COL21A1: variants seen among roughly 807,000 people sequenced by gnomAD.
COL21A1 encodes the protein collagen type XXI alpha 1 chain, also known as collagen alpha-1(XXI) chain.
In COL21A1, 149 loss-of-function variants were observed where a neutral mutation model predicts 137.9. The observed-to-expected ratio is 1.08, with a 90% CI of 0.95 to 1.24. The LOEUF is 1.24. Among genes scored for constraint, COL21A1 ranks in the 50% most tolerant of loss-of-function variants. COL21A1 has a pLI of 0.00. For missense variants in COL21A1, 1,167 were observed against 1,158.4 expected, an observed-to-expected ratio of 1.01 and a Z score of -0.11; for synonymous variants, 456 against 391.5, an observed-to-expected ratio of 1.16 and a Z score of -1.95.
At chr6:56,286,820 C>T (rs1331357125) in intron 1 of COL21A1, among the ~76,000 whole-genome samples, 1 of 152,068 alleles carries the variant, frequency 6.6e-6, no homozygotes, top group Non-Finnish European at 1.5e-5. Flanking sequence ...TGAGAAGGGG[C>T]CATCATCTCC....
intron 20 of COL21A1, among the ~76,000 whole-genome samples, chr6:56,071,917 AG>A (rs1212500890): frequency 6.6e-6 from 1 of 151,514 alleles, no homozygotes; most frequent in African/African-American, 2.4e-5. Flanking sequence ...CCCATCACCT[AG>A]GTATTAAGCC....
chr6:56,082,804 A>G (rs1354670200), intron 17 of COL21A1, among the ~76,000 whole-genome samples: 1 of 151,928 alleles, frequency 6.6e-6, no homozygotes, highest in East Asian at 1.9e-4. Context: ...TTTATACGAT[A>G]AAAATAACTA....
chr6:56,228,814 C>T (rs1349176924), intron 1 of COL21A1, among the ~76,000 whole-genome samples: 1 of 151,616 alleles, frequency 6.6e-6, no homozygotes, highest in Non-Finnish European at 1.5e-5. Flanking sequence ...AAACAAATGA[C>T]TAAAGTACAA....
chr6:56,111,201 ACAAACT>A (rs1771406317), intron 16 of COL21A1, among the ~76,000 whole-genome samples: 1 of 152,270 alleles, frequency 6.6e-6, no homozygotes, highest in Non-Finnish European at 1.5e-5. Flanking sequence ...AAAGCATGAA[ACAAACT>A]CAAACTGAGT....
intron 16 of COL21A1, among the ~76,000 whole-genome samples, chr6:56,113,393 G>A (rs1771622050): frequency 6.6e-6 from 1 of 152,192 alleles, no homozygotes; most frequent in Admixed American, 6.5e-5. Flanking sequence ...ACTGGCCAGA[G>A]TCAAGAGGCC....
intron 18 of COL21A1, among the ~76,000 whole-genome samples, chr6:56,076,360 T>C (rs1179383135): frequency 6.6e-6 from 1 of 151,082 alleles, no homozygotes; most frequent in Admixed American, 6.6e-5. Context: ...ATAAACAATA[T>C]AGAAACAAGA....
chr6:56,215,866 A>G (rs983562916), intron 1 of COL21A1, among the ~76,000 whole-genome samples: 2 of 152,132 alleles, frequency 1.3e-5, no homozygotes, highest in Non-Finnish European at 2.9e-5. Flanking sequence ...ATTATCTGCT[A>G]ATTGCAAGCA....
At chr6:56,262,583 T>C (rs1763304561) in intron 1 of COL21A1, among the ~76,000 whole-genome samples, 1 of 152,160 alleles carries the variant, frequency 6.6e-6, no homozygotes, top group Admixed American at 6.5e-5. Context: ...TTTTCCTCTG[T>C]AGATCTAAAA....
At chr6:56,306,308 T>A (rs1048938406) in intron 1 of COL21A1, among the ~76,000 whole-genome samples, 1 of 150,442 alleles carries the variant, frequency 6.6e-6, no homozygotes, top group Non-Finnish European at 1.5e-5. Context: ...TTCTCCTGGA[T>A]AATATCCTGC....
intron 16 of COL21A1, among the ~76,000 whole-genome samples, chr6:56,120,462 G>A (rs953249853): frequency 2.6e-5 from 4 of 152,176 alleles, no homozygotes; most frequent in African/African-American, 7.2e-5. Flanking sequence ...ATGTAAATTA[G>A]TACAACCACT....
chr6:56,172,003 G>T (rs756265214), intron 3 of COL21A1, among the ~76,000 whole-genome samples: 1 of 150,032 alleles, frequency 6.7e-6, no homozygotes, highest in Non-Finnish European at 1.5e-5. Context: ...GAGAAAGAGT[G>T]AAGAAAGCCT....
At chr6:56,190,949 C>A (rs1001958779) in intron 1 of COL21A1, among the ~76,000 whole-genome samples, 1 of 152,120 alleles carries the variant, frequency 6.6e-6, no homozygotes, top group Admixed American at 6.5e-5. Context: ...ATCAATGGAA[C>A]GTATCTTAAA....
At chr6:56,299,342 T>C (rs10948988) in intron 1 of COL21A1, among the ~76,000 whole-genome samples, 23,716 of 152,160 alleles carry the variant, frequency 0.16, 3,367 homozygotes, top group East Asian at 0.59. Flanking sequence ...ATTTTACTTG[T>C]TCCCTCAAAT....
chr6:56,224,352 C>A (rs1781060278), intron 1 of COL21A1, among the ~76,000 whole-genome samples: 2 of 152,062 alleles, frequency 1.3e-5, no homozygotes, highest in South Asian at 2.1e-4. Flanking sequence ...AGTAGACAGA[C>A]AATAATTACT....
chr6:56,351,158 G>A (rs1011896016), intron 1 of COL21A1, among the ~76,000 whole-genome samples: 1 of 152,224 alleles, frequency 6.6e-6, no homozygotes, highest in African/African-American at 2.4e-5. Flanking sequence ...CCACTTTGAT[G>A]CAAAGAACCC....
chr6:56,312,465 A>G (rs1277873161), intron 1 of COL21A1, among the ~76,000 whole-genome samples: 1 of 152,196 alleles, frequency 6.6e-6, no homozygotes, highest in Non-Finnish European at 1.5e-5. Flanking sequence ...GAGTCAGGGA[A>G]TGATGAGGTT....
intron 1 of COL21A1, among the ~76,000 whole-genome samples, chr6:56,244,364 C>T (rs956381866): frequency 2.0e-5 from 3 of 152,158 alleles, no homozygotes; most frequent in African/African-American, 7.2e-5. Flanking sequence ...TTATCCAGAA[C>T]ACAGCATTTG....
At chr6:56,147,592 G>A (rs1774934551) in intron 10 of COL21A1, among the ~76,000 whole-genome samples, 1 of 151,872 alleles carries the variant, frequency 6.6e-6, no homozygotes, top group African/African-American at 2.4e-5. Flanking sequence ...AATCATAGAT[G>A]TTAGATGCGT....
At chr6:56,254,424 A>T (rs991408574) in intron 1 of COL21A1, among the ~76,000 whole-genome samples, 1 of 152,212 alleles carries the variant, frequency 6.6e-6, no homozygotes, top group Non-Finnish European at 1.5e-5. Context: ...GCACATAGTA[A>T]GTACTGGTTT....
Sources: allele counts gnomAD v4.1 joint callset (sites outside exome capture counted in the v4.1 genomes callset), GRCh38; gene constraint gnomAD v4.1.1; transcripts MANE v1.5; gene names NCBI Gene and HGNC (gene_info 2026-07-23, HGNC 2026-07-21).